Variants in YIPF4 observed in about 807,000 individuals in gnomAD.
The protein encoded by YIPF4 is Yip1 domain family member 4.
YIPF4 carries 18 observed loss-of-function variants against 29.4 expected under a neutral mutation model. That is an observed-to-expected ratio of 0.61 (90% CI 0.42 to 0.91). The LOEUF is 0.91. Among genes scored for constraint, YIPF4 ranks in the 40% least tolerant of loss-of-function variants. The probability of loss-of-function intolerance (pLI) is 0.00; values close to 1 mark genes in which losing one functional copy is unlikely to be tolerated. For missense variants in YIPF4, 279 were observed against 282.7 expected (o/e 0.99, Z 0.09); for synonymous variants, 115 against 104.7 (o/e 1.10, Z -0.60).
chr2:32,298,134 G>A, intron 3 of YIPF4, 100 bp from the exon 4 acceptor site: 1 of 848,978 alleles, frequency 1.2e-6, no homozygotes, highest in Non-Finnish European at 1.9e-6. Context: ...ACCTGAAATT[G>A]GGCATGCTAA....
intron 3 of YIPF4, among the ~76,000 whole-genome samples, chr2:32,296,693 A>G (rs2031200098): frequency 6.6e-6 from 1 of 152,206 alleles, no homozygotes; most frequent in Non-Finnish European, 1.5e-5. Flanking sequence ...TCACTTGGTT[A>G]GGTGATAGGG....
chr2:32,296,537 G>A (rs538737222), intron 3 of YIPF4, among the ~76,000 whole-genome samples: 2 of 151,606 alleles, frequency 1.3e-5, no homozygotes, highest in South Asian at 2.1e-4. Flanking sequence ...CACTCATTTT[G>A]GATTTCCTTG....
At chr2:32,280,405 A>G (rs1367376136) in intron 1 of YIPF4, among the ~76,000 whole-genome samples, 1 of 135,552 alleles carries the variant, frequency 7.4e-6, no homozygotes, top group Non-Finnish European at 1.5e-5. Context: ...TTTGAGACAG[A>G]GTCTTGCTCT....
At position 32,309,095 on chromosome 2, in the gene YIPF4, G is replaced by C. The variant is rs2031659015; in HGVS notation, c.*3469G>C. 6.6e-6 allele frequency: 1 copy of C among 151,668 alleles called. No individual in the cohort carries two copies. Among genetic ancestry groups the C allele is most frequent in the African/African-American group, 2.4e-5 (1 of 41,308 alleles). The allele number at this position is 151,668 out of a possible 1,614,324, so 9.4% of individuals were successfully genotyped here. A position where few individuals can be genotyped will look rare whatever the true frequency, so the allele number is the denominator to read the frequency against. The stretch of plus-strand genomic sequence containing the variant: ...GCATTGTTTTTTAAAAAGTAGTTTA[G>C]GAAGATTTGTAAAGCTTATGAACCA... On this transcript the variant is annotated 3_prime_UTR_variant, in exon 6 of 6. Transcript: ENST00000238831.
At chr2:32,293,288 G>A (rs1010024569) in intron 3 of YIPF4, among the ~76,000 whole-genome samples, 4 of 152,044 alleles carry the variant, frequency 2.6e-5, no homozygotes, top group Non-Finnish European at 4.4e-5. Flanking sequence ...GAGTGGTGAT[G>A]ACTCTTAACG....
At chr2:32,299,843 G>A (rs1153121) in intron 4 of YIPF4, among the ~76,000 whole-genome samples, 55,672 of 151,934 alleles carry the variant, frequency 0.37, 10,463 homozygotes, top group Non-Finnish European at 0.42. Flanking sequence ...TTTTGAGCTG[G>A]GTGTGCTGGC....
At chr2:32,302,915 GTGTGGTTTTTGGAACTAA>G (rs1460073468) in intron 5 of YIPF4, among the ~76,000 whole-genome samples, 1 of 152,180 alleles carries the variant, frequency 6.6e-6, no homozygotes, top group Non-Finnish European at 1.5e-5. Context: ...AATCGAAAAT[GTGTGGTTTTTGGAACTAA>G]TCAGTTCTAA....
In YIPF4 at chr2:32,306,958, G is replaced by A. The variant is rs1004864033; in HGVS notation, c.*1332G>A. 6 of 420,428 alleles carry A rather than the reference G, an allele frequency of 1.4e-5. No homozygotes were observed. Among genetic ancestry groups the A allele is most frequent in the East Asian group, 8.8e-5 (1 of 11,346 alleles). 26.0% of individuals were successfully genotyped at this position (420,428 alleles called of 1,614,324 possible). On this transcript the variant is annotated 3_prime_UTR_variant, in exon 6 of 6. Transcript: ENST00000238831. ...ACCTCTGAAGCAAACCTACAAATGA[G>A]TGTGTTATCAAGCCCAGCCGTCTTC... is the stretch of plus-strand genomic sequence containing the variant.
In YIPF4 at chr2:32,307,453, C is replaced by T. The variant is rs1352093388; in HGVS notation, c.*1827C>T. On this transcript the variant is annotated 3_prime_UTR_variant, in exon 6 of 6. Coordinates refer to ENST00000238831, the MANE Select transcript of YIPF4 (RefSeq NM_032312.4). Reference sequence around the variant, plus strand: ...TCACTTATATGGATCATGTTTACTCCTAATGATATAAGATAAAATGAGGTA... The same window carrying T: ...TCACTTATATGGATCATGTTTACTCTTAATGATATAAGATAAAATGAGGTA... The T allele has an allele frequency of 6.4e-6, 1 of 156,842 alleles. No homozygotes were observed. Among genetic ancestry groups the T allele is most frequent in the Non-Finnish European group, 1.4e-5 (1 of 70,246 alleles). The allele number at this position is 156,842 out of a possible 1,614,324, so 9.7% of individuals were successfully genotyped here.
At chr2:32,279,564 ATTTTTTTT>A in intron 1 of YIPF4, among the ~76,000 whole-genome samples, 1 of 111,552 alleles carries the variant, frequency 9.0e-6, no homozygotes, top group East Asian at 2.2e-4. Flanking sequence ...CGCCCGGCTA[ATTTTTTTT>A]TTTTTTGTAT....
At position 32,290,545 on chromosome 2, in the gene YIPF4, G is replaced by T; in HGVS notation, c.142G>T (p.Glu48Ter). ...AAATCTTGGTGGAGATTTTATCAAA[G>T]AATCTACAGCTACTACATTTCTGAG... is the stretch of plus-strand genomic sequence containing the variant. ...KLNLGGDFIKESTATTFLRQR... is the reference protein window; with the variant it reads ...KLNLGGDFIK The change falls in exon 2 of 6, where the codon GAA (glutamate) becomes TAA (stop). Residue 48 changes from glutamate (E) to a stop codon, truncating the protein, a stop_gained. Transcript: ENST00000238831. LOFTEE classifies it high-confidence loss of function. The T allele has an allele frequency of 1.3e-6, 2 of 1,584,380 alleles. No homozygotes were observed. Among genetic ancestry groups the T allele is most frequent in the Non-Finnish European group, 1.7e-6 (2 of 1,165,888 alleles).
intron 3 of YIPF4, among the ~76,000 whole-genome samples, chr2:32,294,401 A>G (rs1231744248): frequency 3.6e-5 from 5 of 137,340 alleles, no homozygotes; most frequent in African/African-American, 8.4e-5. Flanking sequence ...GTCGCGGCCG[A>G]GCAGAGGCGC....
In YIPF4 at chr2:32,309,633, T is replaced by C. The variant is rs563062994; in HGVS notation, c.*4007T>C. On this transcript the variant is annotated 3_prime_UTR_variant, in exon 6 of 6. Transcript: ENST00000238831. Reference sequence around the variant, plus strand: ...GTTGAATACTTCTAAATATTCATTTTTGTTAGTGCACATTTTATCCAGTTT... The same window carrying C: ...GTTGAATACTTCTAAATATTCATTTCTGTTAGTGCACATTTTATCCAGTTT... 28 of 152,258 alleles carry C rather than the reference T, an allele frequency of 1.8e-4. 1 individual carries two copies. In the South Asian group the frequency reaches 5.4e-3, roughly 29 times the overall value. 9.4% of individuals were successfully genotyped at this position (152,258 alleles called of 1,614,324 possible). A position where few individuals can be genotyped will look rare whatever the true frequency, so the allele number is the denominator to read the frequency against.
At chr2:32,296,989 C>G (rs2031212786) in intron 3 of YIPF4, among the ~76,000 whole-genome samples, 2 of 152,178 alleles carry the variant, frequency 1.3e-5, no homozygotes, top group South Asian at 4.1e-4. Flanking sequence ...CCATTGGGAG[C>G]TCCTTCAGCT....
chr2:32,294,992 G>A (rs886783640), intron 3 of YIPF4, among the ~76,000 whole-genome samples: 1 of 150,026 alleles, frequency 6.7e-6, no homozygotes, highest in Non-Finnish European at 1.5e-5. Context: ...AGGCAGGGAG[G>A]TTGCAGTGAG....
intron 1 of YIPF4, among the ~76,000 whole-genome samples, chr2:32,279,564 AT>A (rs58214119): frequency 0.28 from 30,657 of 111,348 alleles, 3,880 homozygotes; most frequent in East Asian, 0.57. Flanking sequence ...CGCCCGGCTA[AT>A]TTTTTTTTTT....
In YIPF4 at chr2:32,307,450, C is replaced by A. The variant is rs958393932; in HGVS notation, c.*1824C>A. 1 of 157,900 alleles carries A rather than the reference C, an allele frequency of 6.3e-6. No individual in the cohort carries two copies. The highest frequency in any genetic ancestry group is 1.4e-5 in the Non-Finnish European group (1 of 70,770). 9.8% of individuals were successfully genotyped at this position (157,900 alleles called of 1,614,324 possible). A position where few individuals can be genotyped will look rare whatever the true frequency, so the allele number is the denominator to read the frequency against. On this transcript the variant is annotated 3_prime_UTR_variant, in exon 6 of 6. Transcript: ENST00000238831. ...AAATCACTTATATGGATCATGTTTA[C>A]TCCTAATGATATAAGATAAAATGAG...
chr2:32,281,745 C>T (rs1208197469), intron 1 of YIPF4, among the ~76,000 whole-genome samples: 3 of 151,438 alleles, frequency 2.0e-5, no homozygotes, highest in African/African-American at 4.9e-5. Context: ...AAAAATTAGC[C>T]GGGCATGGTG....
chr2:32,290,273 T>C (rs2030852166), intron 1 of YIPF4, among the ~76,000 whole-genome samples: 1 of 152,204 alleles, frequency 6.6e-6, no homozygotes, highest in South Asian at 2.1e-4. Flanking sequence ...TTGTACGTTT[T>C]TTCACTTCTT....
Sources: allele counts gnomAD v4.1 joint callset (sites outside exome capture counted in the v4.1 genomes callset), GRCh38; gene constraint gnomAD v4.1.1; transcripts MANE v1.5; gene names NCBI Gene and HGNC (gene_info 2026-07-23, HGNC 2026-07-21).